Variants in CLIP1 observed in about 807,000 individuals in gnomAD.
CLIP1 encodes the protein CAP-Gly domain containing linker protein 1.
In CLIP1, 66 loss-of-function variants were observed where a neutral mutation model predicts 161.6. The observed-to-expected ratio is 0.41, with a 90% CI of 0.33 to 0.50. The LOEUF is 0.50. Among genes scored for constraint, CLIP1 ranks in the 20% least tolerant of loss-of-function variants. The pLI, the probability that CLIP1 is intolerant of heterozygous loss-of-function variation, is 0.27. For synonymous variants in CLIP1, 598 were observed against 626.2 expected (o/e 0.96, Z 0.67); for missense variants, 1,376 against 1,702.0 (o/e 0.81, Z 3.37).
Position 122,334,040 on chromosome 12 carries a change from T to C in CLIP1, c.2697A>G (p.Arg899=). 6.2e-7 allele frequency: 1 copy of C among 1,610,796 alleles called. No individual in the cohort carries two copies. Among genetic ancestry groups the C allele is most frequent in the East Asian group, 2.2e-5 (1 of 44,854 alleles). The change falls in exon 14 of 26, where the codon AGA becomes AGG. Residue 899 remains arginine (R), a synonymous_variant. Transcript: ENST00000620786. The part of the protein sequence containing the change: ...NMLSSDLEKL[R]ENLADMEAKF... The stretch of plus-strand genomic sequence containing the variant: ...ATGTCTTCTTACCTGCTAAGTTTTC[T>C]CTCAGCTTCTCCAAGTCAGAAGACA...
intron 20 of CLIP1, 120 bp from the exon 21 acceptor site, chr12:122,288,661 G>A (rs908302133): frequency 6.8e-6 from 5 of 731,516 alleles, no homozygotes; most frequent in African/African-American, 5.3e-5. Flanking sequence ...TTCCTCAACA[G>A]CAATGAAGAG....
intron 19 of CLIP1, among the ~76,000 whole-genome samples, chr12:122,314,814 C>A (rs938227298): frequency 2.6e-5 from 4 of 152,220 alleles, no homozygotes; most frequent in African/African-American, 9.6e-5. Flanking sequence ...TAGAACTAAA[C>A]TGTCACATTA....
At chr12:122,289,507 A>C (rs1400366609) in intron 20 of CLIP1, among the ~76,000 whole-genome samples, 1 of 152,138 alleles carries the variant, frequency 6.6e-6, no homozygotes, top group African/African-American at 2.4e-5. Flanking sequence ...AGTGTCACTA[A>C]ATTGCAGAGG....
At chr12:122,298,949 G>C (rs112399585) in intron 20 of CLIP1, among the ~76,000 whole-genome samples, 1 of 152,140 alleles carries the variant, frequency 6.6e-6, no homozygotes, top group Non-Finnish European at 1.5e-5. Context: ...GTGAGACTCC[G>C]TCTCAAAAAG....
chr12:122,375,513 C>T (rs1361055465), intron 3 of CLIP1, among the ~76,000 whole-genome samples: 1 of 152,052 alleles, frequency 6.6e-6, no homozygotes, highest in Non-Finnish European at 1.5e-5. Flanking sequence ...GACGGGGTTT[C>T]ACCATGTTGA....
At chr12:122,341,793 T>C in intron 10 of CLIP1, 96 bp from the exon 11 acceptor site, 1 of 625,544 alleles carries the variant, frequency 1.6e-6, no homozygotes, top group Middle Eastern at 4.8e-4. Context: ...TTTTTTTTTT[T>C]TTTTTTTGAG....
intron 10 of CLIP1, chr12:122,343,075 T>C (rs914822928): frequency 3.3e-5 from 5 of 151,408 alleles, no homozygotes; most frequent in African/African-American, 1.2e-4. Context: ...AATGTTTCAA[T>C]GAATAACACA....
At chr12:122,284,675 A>G (rs1449425629) in intron 21 of CLIP1, among the ~76,000 whole-genome samples, 1 of 152,164 alleles carries the variant, frequency 6.6e-6, no homozygotes, top group African/African-American at 2.4e-5. Context: ...TTAAGCCATG[A>G]AAAGCGTCCC....
intron 1 of CLIP1, among the ~76,000 whole-genome samples, chr12:122,397,986 TATC>T (rs1367155124): frequency 6.6e-6 from 1 of 151,802 alleles, no homozygotes; most frequent in Non-Finnish European, 1.5e-5. Flanking sequence ...AAAATTAACT[TATC>T]AGTTTCAGCC....
chr12:122,369,395 A>AG (rs1954323012), intron 3 of CLIP1, among the ~76,000 whole-genome samples: 2 of 152,044 alleles, frequency 1.3e-5, no homozygotes, highest in African/African-American at 4.8e-5. Flanking sequence ...TCTCCTACAG[A>AG]GAAGGGTAAA....
At chr12:122,385,709 A>G (rs977441398) in intron 1 of CLIP1, among the ~76,000 whole-genome samples, 1 of 152,188 alleles carries the variant, frequency 6.6e-6, no homozygotes, top group Non-Finnish European at 1.5e-5. Context: ...CGGCTGCAGG[A>G]GGGGTAACAG....
rs11057903 is a variant in CLIP1 at position 122,392,625 on chromosome 12, C to T, written c.-106-12067G>A. ...AGAAAACCACCATGGCAAGCCGGCT[C>T]GAGAATCACTCCCACTCTAATGCCC... On this transcript the variant is annotated intron_variant, in intron 1 of 25. Transcript: ENST00000620786. Among the ~76,000 whole-genome samples the T allele has an allele frequency of 6.1e-3, 934 of 152,140 alleles. 5 individuals carry two copies. The highest frequency in any genetic ancestry group is 0.021 in the African/African-American group (874 of 41,496).
At chr12:122,366,123 A>C (rs971945463) in intron 3 of CLIP1, among the ~76,000 whole-genome samples, 4 of 152,104 alleles carry the variant, frequency 2.6e-5, no homozygotes, top group African/African-American at 9.7e-5. Context: ...CCTGGCCAAC[A>C]TGGTAAAAAC....
intron 1 of CLIP1, among the ~76,000 whole-genome samples, chr12:122,397,748 G>A (rs940701406): frequency 2.6e-5 from 4 of 151,788 alleles, no homozygotes; most frequent in South Asian, 2.1e-4. Flanking sequence ...TCAGGAGTTC[G>A]AGACCAGCCT....
chr12:122,393,211 T>G (rs2136994494), intron 1 of CLIP1, among the ~76,000 whole-genome samples: 2 of 151,696 alleles, frequency 1.3e-5, no homozygotes, highest in Middle Eastern at 6.8e-3. Flanking sequence ...TCACCTAGGC[T>G]GGAGTACAGT....
chr12:122,275,380 G>A, intron 24 of CLIP1: 1 of 152,018 alleles, frequency 6.6e-6, no homozygotes, highest in Non-Finnish European at 1.5e-5. Flanking sequence ...GGAGACAGAG[G>A]CAGGCGGATC....
intron 1 of CLIP1, among the ~76,000 whole-genome samples, chr12:122,395,018 G>C (rs1039739896): frequency 6.6e-6 from 1 of 152,122 alleles, no homozygotes; most frequent in Admixed American, 6.6e-5. Flanking sequence ...ACAACTTCTC[G>C]ATTGTGATGC....
In CLIP1 at chr12:122,355,057, C is replaced by T. The variant is rs772667658; in HGVS notation, c.1203+58G>A. ...GGTGCCAAGCACCGGGCATGCTTCT[C>T]GGCTCCTCAGTGGCTTTAGAAACCA... On this transcript the variant is annotated intron_variant, in intron 6 of 25. Coordinates refer to ENST00000620786, the MANE Select transcript of CLIP1 (RefSeq NM_001247997.2). This position sits in a 1 kb window ranked among gnomAD's most constrained non-coding sequence, Gnocchi z 4.1. 1.5e-5 allele frequency: 23 copies of T among 1,511,050 alleles called. 1 individual carries two copies. The highest frequency in any genetic ancestry group is 1.5e-4 in the South Asian group (13 of 85,592). The allele number at this position is 1,511,050 out of a possible 1,614,324, so 93.6% of individuals were successfully genotyped here. A position where few individuals can be genotyped will look rare whatever the true frequency, so the allele number is the denominator to read the frequency against.
chr12:122,421,672 G>A (rs1208620699), intron 1 of CLIP1, among the ~76,000 whole-genome samples: 2 of 152,170 alleles, frequency 1.3e-5, no homozygotes, highest in East Asian at 3.8e-4. Flanking sequence ...AGGTGGGGCT[G>A]TGCAGGGAGG....
Sources: allele counts gnomAD v4.1 joint callset (sites outside exome capture counted in the v4.1 genomes callset), GRCh38; gene constraint gnomAD v4.1.1; non-coding constraint Gnocchi (gnomAD v3.1); transcripts MANE v1.5; gene names NCBI Gene and HGNC (gene_info 2026-07-23, HGNC 2026-07-21).